SHROOM2: variants seen among roughly 807,000 people sequenced by gnomAD.
SHROOM2 encodes the protein protein Shroom2.
In SHROOM2, 33 loss-of-function variants were observed where a neutral mutation model predicts 75.9. The ratio of observed to expected loss-of-function variants is 0.43; its 90% CI spans 0.33 to 0.58. The LOEUF is 0.58. Ranked by LOEUF, SHROOM2 falls within the 20% of genes least tolerant of loss-of-function variation. The pLI is 0.04. For synonymous variants in SHROOM2, 655 were observed against 663.6 expected (o/e 0.99, Z 0.20); for missense variants, 1,434 against 1,461.2 (o/e 0.98, Z 0.30).
chrX:9,946,973 T>C lies in SHROOM2; in HGVS notation c.*36T>C. The C allele has an allele frequency of 8.7e-7, 1 of 1,153,302 alleles. No homozygotes were observed. The highest frequency in any genetic ancestry group is 2.0e-5 in the South Asian group (1 of 48,934). On this transcript the variant is annotated 3_prime_UTR_variant, in exon 10 of 10. Coordinates refer to ENST00000380913, the MANE Select transcript of SHROOM2 (RefSeq NM_001649.4). Reference sequence around the variant, plus strand: ...CCCGGTGGAGGAGGGGCACGGGGCCTCCGAGCTCCAGCTCCGTTCCCAAGG... The same window carrying C: ...CCCGGTGGAGGAGGGGCACGGGGCCCCCGAGCTCCAGCTCCGTTCCCAAGG...
At chrX:9,897,484 C>G (rs1372439992) in intron 4 of SHROOM2, among the ~76,000 whole-genome samples, 1 of 104,590 alleles carries the variant, frequency 9.6e-6, no homozygotes, top group Non-Finnish European at 1.9e-5. Flanking sequence ...TTTGGAAGAC[C>G]GAGGAAGGAT....
intron 1 of SHROOM2, among the ~76,000 whole-genome samples, chrX:9,840,054 AAG>A (rs1349364257): frequency 9.0e-6 from 1 of 111,632 alleles, no homozygotes; most frequent in African/African-American, 3.3e-5. Flanking sequence ...TTGATTTGGA[AAG>A]AGGACACAAG....
At chrX:9,914,754 G>A (rs1030348610) in intron 5 of SHROOM2, among the ~76,000 whole-genome samples, 28 of 112,208 alleles carry the variant, frequency 2.5e-4, no homozygotes, top group Admixed American at 7.6e-4. Flanking sequence ...AAAGCAAACT[G>A]GGGGCGGGGT....
At chrX:9,938,140 C>G (rs951785776) in intron 7 of SHROOM2, among the ~76,000 whole-genome samples, 1 of 111,404 alleles carries the variant, frequency 9.0e-6, no homozygotes, top group African/African-American at 3.3e-5. Flanking sequence ...ATCCAGCCCC[C>G]ACGTGTCCCT....
At chrX:9,803,177 C>A (rs921566863) in intron 1 of SHROOM2, among the ~76,000 whole-genome samples, 5 of 105,864 alleles carry the variant, frequency 4.7e-5, no homozygotes, top group Non-Finnish European at 7.8e-5. Flanking sequence ...TGAGCTCAAG[C>A]AGTCCTCCTG....
At chrX:9,875,110 A>AAAAAAAAAAAAAAAAG (rs2084192753) in intron 2 of SHROOM2, among the ~76,000 whole-genome samples, 3 of 93,128 alleles carry the variant, frequency 3.2e-5, no homozygotes, top group Non-Finnish European at 4.2e-5. Context: ...AAAAAAAAAA[A>AAAAAAAAAAAAAAAAG]GGGGAGGAAG....
chrX:9,916,227 G>A (rs2084489663), intron 5 of SHROOM2, among the ~76,000 whole-genome samples: 1 of 112,320 alleles, frequency 8.9e-6, no homozygotes, highest in Non-Finnish European at 1.9e-5. Context: ...GAACATGGAA[G>A]TATATCTGCT....
chrX:9,918,194 G>A (rs185706951), intron 5 of SHROOM2, among the ~76,000 whole-genome samples: 43 of 113,001 alleles, frequency 3.8e-4, no homozygotes, highest in African/African-American at 1.4e-3. Flanking sequence ...GTCGGGTGCT[G>A]TGCTGCATGC....
At chrX:9,850,399 G>T (rs774123196) in intron 1 of SHROOM2, among the ~76,000 whole-genome samples, 1 of 111,996 alleles carries the variant, frequency 8.9e-6, no homozygotes, top group Non-Finnish European at 1.9e-5. Flanking sequence ...CCAAAAAGTC[G>T]CTTCAGGTTA....
At chrX:9,910,901 TC>T (rs1278588065) in intron 5 of SHROOM2, among the ~76,000 whole-genome samples, 1 of 110,189 alleles carries the variant, frequency 9.1e-6, no homozygotes, top group African/African-American at 3.3e-5. Context: ...CAGGCTGGTC[TC>T]CAACTCCTGG....
At chrX:9,910,440 T>A (rs145488466) in intron 5 of SHROOM2, among the ~76,000 whole-genome samples, 144 of 110,518 alleles carry the variant, frequency 1.3e-3, no homozygotes, top group Non-Finnish European at 2.2e-3. Flanking sequence ...GCGCAATGGG[T>A]CATGCTTGTA....
At chrX:9,803,514 C>T (rs1394692877) in intron 1 of SHROOM2, among the ~76,000 whole-genome samples, 1 of 110,731 alleles carries the variant, frequency 9.0e-6, no homozygotes, top group Non-Finnish European at 1.9e-5. Context: ...TGGTGCCTGC[C>T]CCCAGGACTC....
At position 9,840,153 on chromosome X, in the gene SHROOM2, A is replaced by T. The variant is rs1195260518; in HGVS notation, c.166-33499A>T. Among the ~76,000 whole-genome samples the T allele has an allele frequency of 1.8e-5, 2 of 112,746 alleles. 1 individual carries two copies. The highest frequency in any genetic ancestry group is 6.4e-5 in the African/African-American group (2 of 31,054). On this transcript the variant is annotated intron_variant, in intron 1 of 9. Transcript: ENST00000380913. ...AAATTAAGAGAATGTCTGCATATGT[A>T]CTAGAGGAAGTCCTGTTACACAGGA...
At chrX:9,910,622 G>T (rs1358876365) in intron 5 of SHROOM2, among the ~76,000 whole-genome samples, 2 of 109,642 alleles carry the variant, frequency 1.8e-5, no homozygotes, top group Non-Finnish European at 3.8e-5. Context: ...TTCGAGACCA[G>T]CCTGACCAAC....
intron 5 of SHROOM2, among the ~76,000 whole-genome samples, chrX:9,899,870 G>A (rs2084356209): frequency 8.9e-6 from 1 of 112,456 alleles, no homozygotes; most frequent in Non-Finnish European, 1.9e-5. Flanking sequence ...GCAGTGCATC[G>A]TGGGCAGTGC....
intron 2 of SHROOM2, among the ~76,000 whole-genome samples, chrX:9,886,619 C>G (rs945863481): frequency 1.7e-4 from 19 of 110,616 alleles, no homozygotes; most frequent in African/African-American, 5.9e-4. Flanking sequence ...TCCCCCACCC[C>G]CTGGCAACCA....
At chrX:9,796,201 T>C (rs1004435922) in intron 1 of SHROOM2, among the ~76,000 whole-genome samples, 13 of 110,846 alleles carry the variant, frequency 1.2e-4, no homozygotes, top group Admixed American at 9.7e-5. Flanking sequence ...GGTGGGAGGA[T>C]TGCTTGAGCC....
At chrX:9,928,019 G>A (rs1023555776) in intron 5 of SHROOM2, among the ~76,000 whole-genome samples, 17 of 112,169 alleles carry the variant, frequency 1.5e-4, no homozygotes, top group Non-Finnish European at 1.7e-4. Flanking sequence ...TCCTAACAGT[G>A]GTTTCGGTCC....
chrX:9,920,355 C>G (rs1365524480), intron 5 of SHROOM2, among the ~76,000 whole-genome samples: 1 of 112,299 alleles, frequency 8.9e-6, no homozygotes. Flanking sequence ...CCTCCTAGAT[C>G]CATCCTAGAT....
Sources: allele counts gnomAD v4.1 joint callset (sites outside exome capture counted in the v4.1 genomes callset), GRCh38; gene constraint gnomAD v4.1.1; transcripts MANE v1.5; gene names NCBI Gene and HGNC (gene_info 2026-07-23, HGNC 2026-07-21).